MDN1: variants seen among roughly 807,000 people sequenced by gnomAD.
MDN1 encodes the protein midasin AAA ATPase 1.
Under a neutral mutation model 669.2 loss-of-function variants are expected in MDN1, and 266 were observed. The observed-to-expected ratio is 0.40, with a 90% CI of 0.36 to 0.44. The LOEUF (loss-of-function observed/expected upper bound fraction) is 0.44, where lower values mean the gene tolerates loss of function less well. Among genes scored for constraint, MDN1 ranks in the 20% least tolerant of loss-of-function variants. The pLI, the probability that MDN1 is intolerant of heterozygous loss-of-function variation, is 1.00. For synonymous variants in MDN1, 2,385 were observed against 2,457.1 expected (o/e 0.97, Z 0.87); for missense variants, 5,940 against 6,754.0 (o/e 0.88, Z 4.22).
intron 88 of MDN1, among the ~76,000 whole-genome samples, chr6:89,660,238 T>G (rs531209555): frequency 6.6e-6 from 1 of 152,220 alleles, no homozygotes; most frequent in Admixed American, 6.5e-5. Context: ...CAAGCTGGAG[T>G]GCAGTGGCGA....
chr6:89,677,831 G>T, intron 75 of MDN1, 135 bp from the exon 76 acceptor site: 4 of 1,124,788 alleles, frequency 3.6e-6, no homozygotes, highest in Non-Finnish European at 5.1e-6. Flanking sequence ...AGACTCTCAG[G>T]CTGCACCCAC....
intron 1 of MDN1, among the ~76,000 whole-genome samples, chr6:89,813,897 A>T (rs1355340350): frequency 3.3e-5 from 5 of 151,346 alleles, no homozygotes; most frequent in Non-Finnish European, 7.4e-5. Flanking sequence ...TAGGCAACAC[A>T]GCAAGACCTT....
intron 83 of MDN1, among the ~76,000 whole-genome samples, chr6:89,669,589 T>G (rs1005767310): frequency 2.6e-5 from 4 of 152,120 alleles, no homozygotes; most frequent in African/African-American, 9.7e-5. Flanking sequence ...CAAGTACATC[T>G]CATCTGTATT....
chr6:89,705,956 T>G (rs1813485878), intron 53 of MDN1, 103 bp downstream of exon 53: 3 of 997,962 alleles, frequency 3.0e-6, no homozygotes, highest in Non-Finnish European at 2.9e-6. Context: ...TTAAATAATA[T>G]TGGGCATATA....
intron 100 of MDN1, 54 bp downstream of exon 100, chr6:89,646,485 GA>G (rs758314810): frequency 7.5e-6 from 11 of 1,474,162 alleles, no homozygotes; most frequent in African/African-American, 1.4e-5. Context: ...AGCAGCTTGG[GA>G]ATATAGAGTA....
chr6:89,653,132 T>C lies in MDN1; in HGVS notation c.15685A>G (p.Ile5229Val). The C allele has an allele frequency of 6.2e-7, 1 of 1,613,114 alleles. No homozygotes were observed. Among genetic ancestry groups the C allele is most frequent in the Non-Finnish European group, 8.5e-7 (1 of 1,179,836 alleles). ...PLGFDEMEVE[I>V]QTVKTEEDQD... ...TCTTCCTCTGTTTTAACAGTTTGGA[T>C]CTCCACTTCCATCTCATCAAAGCCT... The change falls in exon 94 of 102, where the codon ATC becomes GTC. Residue 5229 changes from isoleucine to valine, a missense_variant. Ile to Val is a conservative substitution (Grantham distance 29, BLOSUM62 3). Transcript: ENST00000369393.
At chr6:89,721,152 C>T (rs185470437) in intron 40 of MDN1, among the ~76,000 whole-genome samples, 133 of 152,266 alleles carry the variant, frequency 8.7e-4, no homozygotes, top group African/African-American at 3.0e-3. Flanking sequence ...AAAATAAGAA[C>T]AGCTTTTCGA....
chr6:89,813,549 C>CAA (rs531368427), intron 1 of MDN1, among the ~76,000 whole-genome samples: 82 of 68,180 alleles, frequency 1.2e-3, no homozygotes, highest in South Asian at 3.5e-3. Flanking sequence ...GACTCTGTCT[C>CAA]AAAAAAAAAA....
intron 1 of MDN1, among the ~76,000 whole-genome samples, chr6:89,816,738 G>A (rs1283211087): frequency 4.2e-5 from 6 of 143,056 alleles, no homozygotes; most frequent in African/African-American, 7.9e-5. Flanking sequence ...GCAGTGGTGC[G>A]ATCTCAGCTC....
Position 89,662,897 on chromosome 6 carries a change from C to G in MDN1, c.14307G>C (p.Glu4769Asp). The G allele has an allele frequency of 6.2e-7, 1 of 1,614,054 alleles. No homozygotes were observed. ...LDKHMGDLNG[E>D]EADKLDERLW... ...GCCTCTCATCTAGTTTGTCAGCTTC[C>G]TCACCATTGAGATCGCCCATGTGTT... Residue 4769 changes from glutamate (E) to aspartate (D), a missense_variant, in exon 86 of 102, where the codon GAG becomes GAC. This residue lies in a region of MDN1 where 2,280 missense variants were observed against 2,576.3 expected (regional missense o/e 0.88). Transcript: ENST00000369393.
chr6:89,715,107 T>C (rs181552156), intron 45 of MDN1, among the ~76,000 whole-genome samples: 4 of 152,322 alleles, frequency 2.6e-5, no homozygotes, highest in South Asian at 2.1e-4. Flanking sequence ...ATATATTGAA[T>C]GCCCATCAAC....
chr6:89,801,356 A>G (rs1330150434), intron 2 of MDN1, among the ~76,000 whole-genome samples: 1 of 152,206 alleles, frequency 6.6e-6, no homozygotes, highest in African/African-American at 2.4e-5. Flanking sequence ...AAAACCCCAA[A>G]AAATACAAAA....
rs757448312 is a variant in MDN1, at chr6:89,750,449, T to C, written c.3311A>G (p.His1104Arg). Residue 1104 changes from histidine (H) to arginine (R), a missense_variant, in exon 24 of 102, where the codon CAC becomes CGC. Around this residue, in one of 5 missense-constraint regions of MDN1, gnomAD observed 2,292 missense variants for 2,638.3 expected, o/e 0.87. Transcript: ENST00000369393. ...IQWLAAATGN[H>R]CVRINNHEHT... ...TTCGTGATTATTAATACGCACACAG[T>C]GGTTGCCAGTAGCTGCAGCCAGCCA... 2 of 1,613,878 alleles carry C rather than the reference T, an allele frequency of 1.2e-6. No homozygotes were observed. The highest frequency in any genetic ancestry group is 1.7e-6 in the Non-Finnish European group (2 of 1,179,900).
chr6:89,647,201 C>A (rs1234231301), intron 99 of MDN1, among the ~76,000 whole-genome samples: 2 of 152,148 alleles, frequency 1.3e-5, no homozygotes, highest in Non-Finnish European at 2.9e-5. Flanking sequence ...GAAATCAATA[C>A]TCCCTCAAAT....
chr6:89,650,595 A>T, intron 96 of MDN1, 137 bp downstream of exon 96: 1 of 652,718 alleles, frequency 1.5e-6, no homozygotes, highest in African/African-American at 1.8e-5. Flanking sequence ...GGTAAGGAAC[A>T]GCATACTGGT....
intron 55 of MDN1, 147 bp from the exon 56 acceptor site, chr6:89,701,003 G>C: frequency 1.4e-6 from 1 of 728,612 alleles, no homozygotes. Flanking sequence ...GCTGTCAAGA[G>C]ATTTTACAGT....
rs1562158027 is a variant in MDN1 at position 89,734,716 on chromosome 6, A to AGAGAGAGAGAGAGAGAGAG, written c.4724-1942_4724-1941insCTCTCTCTCTCTCTCTCTC. 1.0e-4 allele frequency among the ~76,000 whole-genome samples: 15 copies of AGAGAGAGAGAGAGAGAGAG among 146,810 alleles called. No homozygotes were observed. The East Asian group carries it at 1.4e-3, about 14-fold the overall frequency. On this transcript the variant is annotated intron_variant, in intron 33 of 101. Transcript: ENST00000369393. ...AAGAGAGAGAGAGAGAGAGAGAGAG[A>AGAGAGAGAGAGAGAGAGAG]ACTCCCTGATGGAGGGACTGTGGCA...
At chr6:89,755,241 C>T (rs1445273210) in intron 20 of MDN1, among the ~76,000 whole-genome samples, 1 of 152,026 alleles carries the variant, frequency 6.6e-6, no homozygotes, top group East Asian at 1.9e-4. Context: ...GTTGACTAAT[C>T]TATTTAATAC....
In MDN1 at chr6:89,692,829, G is replaced by A. The variant is rs1812467534; in HGVS notation, c.10201C>T (p.Gln3401Ter). The A allele has an allele frequency of 6.2e-7, 1 of 1,614,128 alleles. No homozygotes were observed. Among genetic ancestry groups the A allele is most frequent in the Non-Finnish European group, 8.5e-7 (1 of 1,180,058 alleles). ...TGTTGTAACTGCAATATGGATGCCT[G>A]CAGTGGGCTCACGGCATCTGGATAG... ...TFYPDAVSPL[Q>*]ASILQLQHGM... Residue 3401 changes from glutamine to a stop codon, truncating the protein, a stop_gained, in exon 63 of 102, where the codon CAG (glutamine) becomes TAG (stop). Coordinates refer to ENST00000369393, the MANE Select transcript of MDN1 (RefSeq NM_014611.3). LOFTEE classifies it high-confidence loss of function.
Sources: gnomAD v4.1 joint callset for allele counts (sites outside exome capture counted in the v4.1 genomes callset) on GRCh38, gnomAD v4.1.1 for gene constraint, gnomAD v4.1.1 regional missense constraint, MANE v1.5 for transcripts, NCBI Gene and HGNC (gene_info 2026-07-23, HGNC 2026-07-21) for gene names.